KITLG: variants seen among roughly 807,000 people sequenced by gnomAD.
The protein encoded by KITLG is KIT ligand.
KITLG carries 13 observed loss-of-function variants against 34.1 expected under a neutral mutation model. That is an observed-to-expected ratio of 0.38 (90% CI 0.25 to 0.61). KITLG has a LOEUF of 0.61. KITLG is among the 20% of genes least tolerant of loss of function. KITLG has a pLI of 0.60. For synonymous variants in KITLG, 110 were observed against 104.0 expected (o/e 1.06, Z -0.35); for missense variants, 292 against 318.9 (o/e 0.92, Z 0.64).
In KITLG at chr12:88,515,599, G is replaced by C. The variant is rs150936895; in HGVS notation, c.539C>G (p.Thr180Arg). The change falls in exon 6 of 10, where the codon ACA becomes AGA. Residue 180 changes from threonine to arginine, a missense_variant. Physicochemically the swap from Thr to Arg is moderately conservative, Grantham distance 71. Coordinates refer to ENST00000644744, the MANE Select transcript of KITLG (RefSeq NM_000899.5). The part of the protein sequence containing the change: ...SPEKDSRVSV[T>R]KPFMLPPVAA... ...AACAGGGGGTAACATAAATGGTTTTGTGACACTGACTCTGGAATCTAAATA... is the reference window on the plus strand; with the variant it reads ...AACAGGGGGTAACATAAATGGTTTTCTGACACTGACTCTGGAATCTAAATA... 3.7e-6 allele frequency: 6 copies of C among 1,610,146 alleles called. No homozygotes were observed. The highest frequency in any genetic ancestry group is 5.1e-6 in the Non-Finnish European group (6 of 1,176,944).
chr12:88,522,728 CACAG>C (rs1869721111), intron 3 of KITLG, among the ~76,000 whole-genome samples: 1 of 152,050 alleles, frequency 6.6e-6, no homozygotes, highest in South Asian at 2.1e-4. Flanking sequence ...GCGCCCACCC[CACAG>C]ACAGTCTTTA....
chr12:88,550,432 T>C (rs1870856887), intron 1 of KITLG, among the ~76,000 whole-genome samples: 1 of 145,310 alleles, frequency 6.9e-6, no homozygotes, highest in African/African-American at 2.5e-5. Flanking sequence ...TAAATAGGAG[T>C]ATAGGTAGTT....
chr12:88,548,556 C>A (rs1424949868), intron 1 of KITLG, among the ~76,000 whole-genome samples: 1 of 151,986 alleles, frequency 6.6e-6, no homozygotes, highest in Non-Finnish European at 1.5e-5. Context: ...ACTCAAGATA[C>A]GTGTGGCAAT....
In KITLG at chr12:88,507,122, G is replaced by C; in HGVS notation, c.620C>G (p.Pro207Arg). 1 of 1,611,000 alleles carries C rather than the reference G, an allele frequency of 6.2e-7. No individual in the cohort carries two copies. Among genetic ancestry groups the C allele is most frequent in the Non-Finnish European group, 8.5e-7 (1 of 1,177,290 alleles). ...SSSSNRKAKN[P>R]PGDSSLHWAA... ...CCAGTGTAGGCTGGAGTCTCCAGGGGGATTTTTGGCCTTCCCTATAATTTA... is the reference window on the plus strand; with the variant it reads ...CCAGTGTAGGCTGGAGTCTCCAGGGCGATTTTTGGCCTTCCCTATAATTTA... Residue 207 changes from proline (P) to arginine (R), a missense_variant, in exon 7 of 10, where the codon CCC (proline) becomes CGC (arginine). Pro to Arg is a moderately radical substitution (Grantham distance 103). Coordinates refer to ENST00000644744, the MANE Select transcript of KITLG (RefSeq NM_000899.5).
At chr12:88,526,777 C>T (rs753411132) in intron 3 of KITLG, among the ~76,000 whole-genome samples, 1 of 150,528 alleles carries the variant, frequency 6.6e-6, no homozygotes, top group Non-Finnish European at 1.5e-5. Flanking sequence ...GAAAGCCAGG[C>T]AAGAAGCTAT....
Position 88,505,207 on chromosome 12 carries a change from G to A in KITLG, c.811C>T (p.Gln271Ter). The A allele has an allele frequency of 6.2e-7, 1 of 1,610,572 alleles. No homozygotes were observed. The highest frequency in any genetic ancestry group is 8.5e-7 in the Non-Finnish European group (1 of 1,176,992). The change falls in exon 9 of 10, where the codon CAA (glutamine) becomes TAA (stop). Residue 271 changes from glutamine (Q) to a stop codon, truncating the protein, a stop_gained. Transcript: ENST00000644744. LOFTEE classifies it high-confidence loss of function. The part of the protein sequence containing the change: ...SMLQEKEREF[Q>*]EV ...GATACAAGCCACAATTACACTTCTT[G>A]AAACTCTCTCTCTTTCTCTTGCAAC...
chr12:88,508,105 T>A (rs953676762), intron 6 of KITLG, among the ~76,000 whole-genome samples: 1 of 151,702 alleles, frequency 6.6e-6, no homozygotes, highest in Non-Finnish European at 1.5e-5. Context: ...GAGAATCGCA[T>A]GAACCCGGGA....
At chr12:88,562,033 T>G (rs927002983) in intron 1 of KITLG, among the ~76,000 whole-genome samples, 1 of 152,172 alleles carries the variant, frequency 6.6e-6, no homozygotes, top group African/African-American at 2.4e-5. Context: ...CCCAATTAGT[T>G]TACTCTTATC....
At chr12:88,580,144 A>G (rs1592593664) in intron 1 of KITLG, 120 bp downstream of exon 1, 1 of 1,084,002 alleles carries the variant, frequency 9.2e-7, no homozygotes, top group Admixed American at 2.0e-5. Context: ...CTCTTGTCTC[A>G]CCCGGCAGGC....
At chr12:88,548,326 T>C (rs1870784688) in intron 1 of KITLG, among the ~76,000 whole-genome samples, 1 of 152,068 alleles carries the variant, frequency 6.6e-6, no homozygotes, top group South Asian at 2.1e-4. Flanking sequence ...TGGCAGTGCA[T>C]GCCTGTAATC....
At chr12:88,536,273 G>A (rs912201468) in intron 2 of KITLG, among the ~76,000 whole-genome samples, 2 of 152,110 alleles carry the variant, frequency 1.3e-5, no homozygotes. Context: ...AGATATGCAA[G>A]GGGCCAAGAA....
At chr12:88,546,652 C>G (rs895153256) in intron 1 of KITLG, among the ~76,000 whole-genome samples, 4 of 152,190 alleles carry the variant, frequency 2.6e-5, no homozygotes, top group African/African-American at 9.6e-5. Context: ...CTTCACAACA[C>G]ATAACACAGT....
At chr12:88,549,505 C>T (rs1033488162) in intron 1 of KITLG, among the ~76,000 whole-genome samples, 3 of 151,862 alleles carry the variant, frequency 2.0e-5, no homozygotes, top group Non-Finnish European at 4.4e-5. Context: ...TGACAGAGTA[C>T]GATTTGAGAG....
chr12:88,516,444 G>C lies in KITLG; in HGVS notation c.410C>G (p.Pro137Arg). ...ATTAAAAATTCTAAAGAATTCTTCA[G>C]GAGTAAAGAGCCTGGGTTCTGGGCT... Reference protein sequence around the residue: ...FKSPEPRLFTPEEFFRIFNRS... With the variant: ...FKSPEPRLFTREEFFRIFNRS... The change falls in exon 5 of 10, where the codon CCT becomes CGT. Residue 137 changes from proline (P) to arginine (R), a missense_variant. Physicochemically the swap from Pro to Arg is moderately radical, Grantham distance 103 (BLOSUM62 -2). Around this residue, in one of 2 missense-constraint regions of KITLG, gnomAD observed 152 missense variants for 207.9 expected, o/e 0.73. Transcript: ENST00000644744. 1 of 1,607,464 alleles carries C rather than the reference G, an allele frequency of 6.2e-7. No homozygotes were observed. The highest frequency in any genetic ancestry group is 8.5e-7 in the Non-Finnish European group (1 of 1,176,374).
At chr12:88,573,103 G>A (rs1321302072) in intron 1 of KITLG, among the ~76,000 whole-genome samples, 1 of 152,158 alleles carries the variant, frequency 6.6e-6, no homozygotes, top group Non-Finnish European at 1.5e-5. Context: ...TGAGGTCTGT[G>A]TTGCAATCCT....
intron 7 of KITLG, among the ~76,000 whole-genome samples, 156 bp from the exon 8 acceptor site, chr12:88,506,534 T>C (rs989560730): frequency 3.3e-5 from 5 of 152,194 alleles, no homozygotes; most frequent in Non-Finnish European, 2.9e-5. Context: ...TAAAAAATTA[T>C]GAAAGCTGCA....
intron 1 of KITLG, among the ~76,000 whole-genome samples, chr12:88,555,450 C>T (rs1261147193): frequency 6.6e-6 from 1 of 152,112 alleles, no homozygotes; most frequent in Non-Finnish European, 1.5e-5. Flanking sequence ...TGGATATAAA[C>T]CAAAACCTAC....
rs537013134 is a variant in KITLG, at chr12:88,542,498, C to T, written c.129+3254G>A. Among the ~76,000 whole-genome samples, 9 of 152,188 alleles carry T rather than the reference C, an allele frequency of 5.9e-5. No homozygotes were observed. In the South Asian group the frequency reaches 6.2e-4, roughly 11 times the overall value. The stretch of plus-strand genomic sequence containing the variant: ...TCCCGACTTCCTTCAAGATGCTCTG[C>T]CCCACCATGTATAGAGAAAGGCTGT... On this transcript the variant is annotated intron_variant, in intron 2 of 9. Coordinates refer to ENST00000644744, the MANE Select transcript of KITLG (RefSeq NM_000899.5).
intron 2 of KITLG, among the ~76,000 whole-genome samples, chr12:88,539,029 A>C (rs1183215428): frequency 6.6e-6 from 1 of 152,176 alleles, no homozygotes; most frequent in African/African-American, 2.4e-5. Context: ...TTGGCCAACA[A>C]GAAGTCTTTG....
Sources: allele counts gnomAD v4.1 joint callset (sites outside exome capture counted in the v4.1 genomes callset), GRCh38; gene constraint gnomAD v4.1.1; regional missense constraint gnomAD v4.1.1; transcripts MANE v1.5; gene names NCBI Gene and HGNC (gene_info 2026-07-23, HGNC 2026-07-21).